The following PCNX3 variants were observed in gnomAD, a reference collection of about 807,000 sequenced individuals.
The protein encoded by PCNX3 is pecanex-like protein 3.
Under a neutral mutation model 207.2 loss-of-function variants are expected in PCNX3, and 58 were observed. The ratio of observed to expected loss-of-function variants is 0.28; its 90% CI spans 0.23 to 0.35. The LOEUF (loss-of-function observed/expected upper bound fraction) is 0.35. PCNX3 is among the 10% of genes least tolerant of loss of function. The probability of loss-of-function intolerance (pLI) is 1.00; values close to 1 mark genes in which losing one functional copy is unlikely to be tolerated. For synonymous variants in PCNX3, 1,337 were observed against 1,183.5 expected (o/e 1.13, Z -2.66); for missense variants, 2,410 against 2,774.4 (o/e 0.87, Z 2.95).
At chr11:65,617,062 C>T in intron 2 of PCNX3, 51 bp downstream of exon 2, 1 of 1,530,300 alleles carries the variant, frequency 6.5e-7, no homozygotes, top group Non-Finnish European at 8.8e-7. Flanking sequence ...GGTGCCTGGG[C>T]CGGAACCTTG....
chr11:65,637,040 TCTG>T lies in PCNX3; in HGVS notation c.*66_*68del. 1 of 1,495,348 alleles carries T rather than the reference TCTG, an allele frequency of 6.7e-7. No homozygotes were observed. The highest frequency in any genetic ancestry group is 9.0e-7 in the Non-Finnish European group (1 of 1,112,942). 92.6% of individuals were successfully genotyped at this position (1,495,348 alleles called of 1,614,324 possible). A position where few individuals can be genotyped will look rare whatever the true frequency, so the allele number is the denominator to read the frequency against. ...AGTAACGGACCTGCTCTGCTGCCTC[TCTG>T]CTGGACCACAGAACTGAGTGGCTTT... is the stretch of plus-strand genomic sequence containing the variant. On this transcript the variant is annotated 3_prime_UTR_variant, in exon 35 of 35. Transcript: ENST00000355703.
Position 65,619,680 on chromosome 11 carries a change from T to C in PCNX3, c.1829+20T>C, listed in dbSNP as rs765324873. The C allele has an allele frequency of 1.3e-6, 2 of 1,587,078 alleles. No individual in the cohort carries two copies. The highest frequency in any genetic ancestry group is 2.2e-5 in the South Asian group (2 of 88,896). On this transcript the variant is annotated intron_variant, in intron 7 of 34. Transcript: ENST00000355703. ...GCCCAGGTGAGCACCTTGCCAGCTG[T>C]GCCGAGGGGCACCGGGGGCCGGGGA...
At chr11:65,634,044 G>A in intron 27 of PCNX3, 82 bp from the exon 28 acceptor site, 1 of 1,284,006 alleles carries the variant, frequency 7.8e-7, no homozygotes, top group Non-Finnish European at 1.1e-6. Flanking sequence ...CAGTCTTGGG[G>A]AGGAGCCTCT....
At position 65,636,984 on chromosome 11, in the gene PCNX3, C is replaced by A; in HGVS notation, c.*6C>A. On this transcript the variant is annotated 3_prime_UTR_variant, in exon 35 of 35. Coordinates refer to ENST00000355703, the MANE Select transcript of PCNX3 (RefSeq NM_032223.4). ...TGCTGGAACACCAGTACTGAGCTAC[C>A]TGGCGCCCACTGGACCACCTCCTAG... 6.4e-7 allele frequency: 1 copy of A among 1,561,936 alleles called. No individual in the cohort carries two copies.
Position 65,636,955 on chromosome 11 carries a change from C to T in PCNX3, c.6082C>T (p.Pro2028Ser). 6.4e-7 allele frequency: 1 copy of T among 1,569,666 alleles called. No homozygotes were observed. Reference sequence around the variant, plus strand: ...GGAGCGTGAGAGCCCGGCAGCCCAGCCCCTGCTGGAACACCAGTACTGAGC... The same window carrying T: ...GGAGCGTGAGAGCCCGGCAGCCCAGTCCCTGCTGGAACACCAGTACTGAGC... ...IEERESPAAQ[P>S]LLEHQY The change falls in exon 35 of 35, where the codon CCC becomes TCC. Residue 2028 changes from proline to serine, a missense_variant. Pro to Ser is a moderately conservative substitution (Grantham distance 74). Coordinates refer to ENST00000355703, the MANE Select transcript of PCNX3 (RefSeq NM_032223.4).
In PCNX3 at chr11:65,634,968, C is replaced by CT. The variant is rs749012698; in HGVS notation, c.4806-3dup. On this transcript the variant is annotated splice_region_variant and splice_polypyrimidine_tract_variant and intron_variant, in intron 29 of 34. Coordinates refer to ENST00000355703, the MANE Select transcript of PCNX3 (RefSeq NM_032223.4). Reference sequence around the variant, plus strand: ...TCTCCCCTCCCTGTTTTTCCTCCCACTTAGCCTGGAGCCCTTCCTCTACGG... The same window carrying CT: ...TCTCCCCTCCCTGTTTTTCCTCCCACTTTAGCCTGGAGCCCTTCCTCTACGG... 80 of 1,609,906 alleles carry CT rather than the reference C, an allele frequency of 5.0e-5. No homozygotes were observed. In the African/African-American group the frequency reaches 8.8e-4, roughly 18 times the overall value.
intron 21 of PCNX3, 36 bp downstream of exon 21, chr11:65,627,084 C>T (rs373426669): frequency 4.4e-5 from 64 of 1,463,178 alleles, no homozygotes; most frequent in African/African-American, 2.1e-4. Flanking sequence ...TCCCATCATC[C>T]GCTTTCCCTT....
chr11:65,624,667 C>G, intron 15 of PCNX3, 86 bp downstream of exon 15: 2 of 1,260,686 alleles, frequency 1.6e-6, no homozygotes, highest in South Asian at 2.6e-5. Context: ...TCCACCCTTG[C>G]GGAACCTTCT....
rs1166129997 is a variant in PCNX3 at position 65,626,329 on chromosome 11, C to T, written c.3379+275C>T. 4 of 630,896 alleles carry T rather than the reference C, an allele frequency of 6.3e-6. No individual in the cohort carries two copies. In the East Asian group the frequency reaches 9.9e-5, roughly 16 times the overall value. 39.1% of individuals were successfully genotyped at this position (630,896 alleles called of 1,614,324 possible). A position where few individuals can be genotyped will look rare whatever the true frequency, so the allele number is the denominator to read the frequency against. Reference sequence around the variant, plus strand: ...TGAGAAGACGGAAGAATTAGAACCCCAGGGCCCTGAAGGGATCTCTTGTCC... The same window carrying T: ...TGAGAAGACGGAAGAATTAGAACCCTAGGGCCCTGAAGGGATCTCTTGTCC... On this transcript the variant is annotated intron_variant, in intron 20 of 34. Transcript: ENST00000355703.
Position 65,636,592 on chromosome 11 carries a change from C to G in PCNX3, c.5795C>G (p.Pro1932Arg), listed in dbSNP as rs762411684. The G allele has an allele frequency of 6.3e-7, 1 of 1,591,678 alleles. No homozygotes were observed. Residue 1932 changes from proline to arginine, a missense_variant, in exon 34 of 35, where the codon CCC (proline) becomes CGC (arginine). Coordinates refer to ENST00000355703, the MANE Select transcript of PCNX3 (RefSeq NM_032223.4). ...PGPGLLSSEG[P>R]SGKWSLGGRK... is the part of the protein sequence containing the mutation. ...CCGGGTCTCCTCAGTTCTGAGGGCC[C>G]CAGTGGAAAGTGGAGCCTGGGGGGC... is the stretch of plus-strand genomic sequence containing the variant.
At position 65,636,208 on chromosome 11, in the gene PCNX3, G is replaced by A. The variant is rs1165868197; in HGVS notation, c.5494G>A (p.Gly1832Ser). Reference sequence around the variant, plus strand: ...GGGCTGTGGCGCCGGCTGCAATAGTGGCGGGAACGTGGATGATTCAGACTG... The same window carrying A: ...GGGCTGTGGCGCCGGCTGCAATAGTAGCGGGAACGTGGATGATTCAGACTG... ...HKGCGAGCNS[G>S]GNVDDSDCSG... is the part of the protein sequence containing the mutation. The change falls in exon 33 of 35, where the codon GGC becomes AGC. Residue 1832 changes from glycine to serine, a missense_variant. By Grantham distance (56) the Gly-to-Ser change is moderately conservative. Around this residue, in one of 8 missense-constraint regions of PCNX3, gnomAD observed 59 missense variants for 83.9 expected, o/e 0.70. Coordinates refer to ENST00000355703, the MANE Select transcript of PCNX3 (RefSeq NM_032223.4). 1 of 1,583,858 alleles carries A rather than the reference G, an allele frequency of 6.3e-7. No individual in the cohort carries two copies. Among genetic ancestry groups the A allele is most frequent in the Non-Finnish European group, 8.6e-7 (1 of 1,164,720 alleles).
chr11:65,624,683 G>A (rs1437921228), intron 15 of PCNX3, 102 bp downstream of exon 15: 13 of 1,131,150 alleles, frequency 1.1e-5, no homozygotes, highest in African/African-American at 4.7e-5. Flanking sequence ...CTTCTCCTGC[G>A]TCTGTACTGC....
intron 27 of PCNX3, among the ~76,000 whole-genome samples, chr11:65,632,392 C>T (rs530999718): frequency 1.5e-4 from 23 of 151,230 alleles, no homozygotes; most frequent in Non-Finnish European, 1.9e-4. Flanking sequence ...TTCCAGCCTT[C>T]GAGGTTGGCC....
intron 21 of PCNX3, 110 bp from the exon 22 acceptor site, chr11:65,627,295 A>T: frequency 7.9e-7 from 1 of 1,267,350 alleles, no homozygotes; most frequent in Non-Finnish European, 1.1e-6. Flanking sequence ...CCAGCCCAGC[A>T]GAGCAGAGGC....
chr11:65,620,727 C>T, intron 9 of PCNX3, 104 bp from the exon 10 acceptor site: 1 of 1,472,686 alleles, frequency 6.8e-7, no homozygotes. Flanking sequence ...CCTGGTTGGT[C>T]TCGGCACAGA....
At chr11:65,619,312 C>A (rs1226387338) in intron 6 of PCNX3, 1 of 513,426 alleles carries the variant, frequency 1.9e-6, no homozygotes, top group Non-Finnish European at 2.5e-6. Context: ...TCATCATCCA[C>A]ACTCATCCTC....
intron 6 of PCNX3, 187 bp from the exon 7 acceptor site, chr11:65,619,350 G>T: frequency 2.5e-6 from 2 of 815,270 alleles, no homozygotes; most frequent in Non-Finnish European, 3.0e-6. Context: ...GGGCAGGGCC[G>T]ATCAGTGTCA....
At position 65,618,329 on chromosome 11, in the gene PCNX3, C is replaced by T. The variant is rs1266804279; in HGVS notation, c.967C>T (p.Leu323=). 1.2e-6 allele frequency: 2 copies of T among 1,611,402 alleles called. No homozygotes were observed. Among genetic ancestry groups the T allele is most frequent in the Admixed American group, 1.7e-5 (1 of 59,996 alleles). The change falls in exon 6 of 35, where the codon CTG becomes TTG. Residue 323 remains leucine, a synonymous_variant. Transcript: ENST00000355703. Reference sequence around the variant, plus strand: ...GAGTGAGAAGACCAACTCCACCCATCTGGACAGCCCCCCAGGGGGGCCAGC... The same window carrying T: ...GAGTGAGAAGACCAACTCCACCCATTTGGACAGCCCCCCAGGGGGGCCAGC... The part of the protein sequence containing the change: ...FKSEKTNSTH[L]DSPPGGPAPE...
Position 65,620,368 on chromosome 11 carries a change from GC to G in PCNX3, c.2039del (p.Ala680ValfsTer9). The G allele has an allele frequency of 6.2e-7, 1 of 1,613,530 alleles. No individual in the cohort carries two copies. The highest frequency in any genetic ancestry group is 1.3e-5 in the African/African-American group (1 of 75,034). Reference protein sequence around the residue: ...GVRRSYTFGLAGGGYENPVGQ... With the variant: ...GVRRSYTFGLXGGGYENPVGQ... ...GCGGCGTTCCTACACCTTTGGCCTG[GC>G]TGGAGGCGGCTACGAGAACCCTGTA... On this transcript the variant is annotated frameshift_variant, in exon 9 of 35. Coordinates refer to ENST00000355703, the MANE Select transcript of PCNX3 (RefSeq NM_032223.4). LOFTEE classifies it high-confidence loss of function.
Sources: allele counts gnomAD v4.1 joint callset (sites outside exome capture counted in the v4.1 genomes callset), GRCh38; gene constraint gnomAD v4.1.1; regional missense constraint gnomAD v4.1.1; transcripts MANE v1.5; gene names NCBI Gene and HGNC (gene_info 2026-07-23, HGNC 2026-07-21).